SLC35D2: variants seen among roughly 807,000 people sequenced by gnomAD.
SLC35D2 encodes nucleotide sugar transporter SLC35D2.
A neutral mutation model predicts 41.8 loss-of-function variants in SLC35D2; 43 were observed. That is an observed-to-expected ratio of 1.03 (90% CI 0.81 to 1.33). SLC35D2 has a LOEUF of 1.33. SLC35D2 is among the 40% of genes most tolerant of loss of function. The pLI, the probability that SLC35D2 is intolerant of heterozygous loss-of-function variation, is 0.00. For missense variants in SLC35D2, 380 were observed against 408.4 expected (o/e 0.93, Z 0.60); for synonymous variants, 150 against 163.9 (o/e 0.92, Z 0.65).
chr9:96,380,612 C>T (rs573440300), intron 1 of SLC35D2, among the ~76,000 whole-genome samples: 3 of 151,998 alleles, frequency 2.0e-5, no homozygotes, highest in African/African-American at 7.2e-5. Flanking sequence ...CGTGCACCAC[C>T]ATGCCCAGCT....
At chr9:96,374,064 G>A (rs796448635) in intron 1 of SLC35D2, 11 of 152,208 alleles carry the variant, frequency 7.2e-5, no homozygotes, top group African/African-American at 2.7e-4. Context: ...TTGCTTTCCC[G>A]TTTTCAGTAT....
At chr9:96,352,962 C>T (rs1829868096) in intron 4 of SLC35D2, among the ~76,000 whole-genome samples, 1 of 152,054 alleles carries the variant, frequency 6.6e-6, no homozygotes, top group East Asian at 1.9e-4. Flanking sequence ...TGCTTGAACC[C>T]GTGAGGCGGA....
chr9:96,319,401 A>G (rs1828134938), downstream of SLC35D2, among the ~76,000 whole-genome samples: 1 of 152,128 alleles, frequency 6.6e-6, no homozygotes, highest in Non-Finnish European at 1.5e-5. Context: ...AAGATGAAAA[A>G]GTTCTAGAGG....
At chr9:96,329,043 G>A (rs995770968) in intron 9 of SLC35D2, among the ~76,000 whole-genome samples, 7 of 148,928 alleles carry the variant, frequency 4.7e-5, no homozygotes, top group Admixed American at 1.3e-4. Context: ...AGATGAAATC[G>A]CGTCACTGCA....
intron 1 of SLC35D2, among the ~76,000 whole-genome samples, chr9:96,373,834 G>C (rs1460163641): frequency 6.6e-6 from 1 of 152,086 alleles, no homozygotes; most frequent in Non-Finnish European, 1.5e-5. Context: ...CAGCTTCTTC[G>C]CTTTAGGGGG....
chr9:96,331,531 C>A (rs1450266015), intron 9 of SLC35D2, among the ~76,000 whole-genome samples: 1 of 152,082 alleles, frequency 6.6e-6, no homozygotes, highest in East Asian at 1.9e-4. Flanking sequence ...CTCCTGCCAC[C>A]CTTTCCCCTT....
chr9:96,345,596 T>C (rs1829538197), intron 6 of SLC35D2, among the ~76,000 whole-genome samples, 195 bp from the exon 7 acceptor site: 2 of 152,212 alleles, frequency 1.3e-5, no homozygotes, highest in Admixed American at 1.3e-4. Flanking sequence ...TGGCTTCGAC[T>C]CAATCGTGAA....
rs144934775 is a variant in SLC35D2, at chr9:96,351,949, C to G, written c.419+89G>C. On this transcript the variant is annotated intron_variant, in intron 5 of 11. Coordinates refer to ENST00000253270, the MANE Select transcript of SLC35D2 (RefSeq NM_007001.3). ...TAAACCATTTGTCCTTAAATTATTG[C>G]AACTAGCAATGGCTACTAGAATTTG... 1,568 of 744,354 alleles carry G rather than the reference C, an allele frequency of 2.1e-3. 25 individuals carry two copies. Among genetic ancestry groups the G allele is most frequent in the East Asian group, 0.018 (648 of 36,334 alleles). The allele number at this position is 744,354 out of a possible 1,614,324, so 46.1% of individuals were successfully genotyped here.
At chr9:96,363,045 AT>A (rs1298460799) in intron 3 of SLC35D2, among the ~76,000 whole-genome samples, 1 of 151,186 alleles carries the variant, frequency 6.6e-6, no homozygotes, top group East Asian at 1.9e-4. Flanking sequence ...TTTTTTGTAT[AT>A]TCAGTAGAGA....
Position 96,320,991 on chromosome 9 carries a change from C to T in SLC35D2, c.*251G>A, listed in dbSNP as rs1032490213. The T allele has an allele frequency of 3.2e-5, 12 of 377,758 alleles. No homozygotes were observed. Among genetic ancestry groups the T allele is most frequent in the African/African-American group, 2.5e-4 (12 of 47,678 alleles). 23.4% of individuals were successfully genotyped at this position (377,758 alleles called of 1,614,324 possible). A position where few individuals can be genotyped will look rare whatever the true frequency, so the allele number is the denominator to read the frequency against. Reference sequence around the variant, plus strand: ...GTCCCTAGAAGAGCAGCTGGGGCTCCACCTACCGAGTCCCAGTGGCTTATT... The same window carrying T: ...GTCCCTAGAAGAGCAGCTGGGGCTCTACCTACCGAGTCCCAGTGGCTTATT... On this transcript the variant is annotated 3_prime_UTR_variant, in exon 12 of 12. Coordinates refer to ENST00000253270, the MANE Select transcript of SLC35D2 (RefSeq NM_007001.3).
intron 8 of SLC35D2, among the ~76,000 whole-genome samples, chr9:96,341,170 C>T (rs12343149): frequency 0.06 from 9,120 of 152,092 alleles, 942 homozygotes; most frequent in African/African-American, 0.21. Flanking sequence ...TCCTGTAATG[C>T]CAGCTACTCA....
intron 8 of SLC35D2, 122 bp from the exon 9 acceptor site, chr9:96,336,906 A>G: frequency 1.6e-6 from 1 of 635,152 alleles, no homozygotes; most frequent in South Asian, 2.1e-5. Context: ...CATAAAGCTA[A>G]AAATCCTAGG....
chr9:96,340,443 C>T (rs1169165999), intron 8 of SLC35D2, among the ~76,000 whole-genome samples: 2 of 151,398 alleles, frequency 1.3e-5, no homozygotes, highest in Non-Finnish European at 2.9e-5. Context: ...ATGGTGAAAC[C>T]CTATCTTTAC....
At chr9:96,378,423 G>A (rs990614408) in intron 1 of SLC35D2, among the ~76,000 whole-genome samples, 1 of 151,938 alleles carries the variant, frequency 6.6e-6, no homozygotes, top group East Asian at 1.9e-4. Flanking sequence ...GTAAGACCCT[G>A]TCTCAAAAAA....
intron 9 of SLC35D2, among the ~76,000 whole-genome samples, chr9:96,331,892 T>C (rs1398147666): frequency 6.6e-6 from 1 of 152,158 alleles, no homozygotes; most frequent in Admixed American, 6.6e-5. Flanking sequence ...TGCATGCTCC[T>C]TATAAGAATC....
intron 9 of SLC35D2, among the ~76,000 whole-genome samples, chr9:96,328,991 G>C (rs1249147592): frequency 6.6e-6 from 1 of 151,676 alleles, no homozygotes; most frequent in African/African-American, 2.4e-5. Flanking sequence ...AGGAGGCTGA[G>C]GCAGGAGAAT....
chr9:96,343,886 T>C lies in SLC35D2; in HGVS notation c.684+18A>G, dbSNP rs1212761002. On this transcript the variant is annotated intron_variant, in intron 8 of 11. Coordinates refer to ENST00000253270, the MANE Select transcript of SLC35D2 (RefSeq NM_007001.3). The stretch of plus-strand genomic sequence containing the variant: ...TAAAGCCAGCTAAGGAAAACTGTAA[T>C]GATTGTCATCAGCTCACCTGTTGCA... 2.0e-6 allele frequency: 3 copies of C among 1,470,084 alleles called. No individual in the cohort carries two copies. The highest frequency in any genetic ancestry group is 1.5e-5 in the African/African-American group (1 of 68,482). 91.1% of individuals were successfully genotyped at this position (1,470,084 alleles called of 1,614,324 possible).
intron 1 of SLC35D2, among the ~76,000 whole-genome samples, chr9:96,371,554 A>AT (rs1306636572): frequency 6.9e-6 from 1 of 144,630 alleles, no homozygotes; most frequent in Non-Finnish European, 1.5e-5. Flanking sequence ...GCTTTTTAAT[A>AT]TTTTTCATTG....
chr9:96,363,296 T>C (rs1269713525), intron 3 of SLC35D2, among the ~76,000 whole-genome samples: 2 of 152,068 alleles, frequency 1.3e-5, no homozygotes, highest in South Asian at 2.1e-4. Context: ...GCCACCACAC[T>C]GGGCTCCCCT....
Sources: gnomAD v4.1 joint callset for allele counts (sites outside exome capture counted in the v4.1 genomes callset) on GRCh38, gnomAD v4.1.1 for gene constraint, MANE v1.5 for transcripts, NCBI Gene and HGNC (gene_info 2026-07-23, HGNC 2026-07-21) for gene names.